The following PARD3 variants were observed in gnomAD, a reference collection of about 807,000 sequenced individuals.
PARD3 encodes the protein partitioning defective 3 homolog.
A neutral mutation model predicts 155.4 loss-of-function variants in PARD3; 75 were observed. The observed-to-expected ratio is 0.48, with a 90% CI of 0.40 to 0.58. PARD3 has a LOEUF of 0.58. Ranked by LOEUF, PARD3 falls within the 20% of genes least tolerant of loss-of-function variation. PARD3 has a pLI of 0.00. For synonymous variants in PARD3, 576 were observed against 610.5 expected, an observed-to-expected ratio of 0.94 and a Z score of 0.83; for missense variants, 1,642 against 1,721.7, an observed-to-expected ratio of 0.95 and a Z score of 0.82.
At chr10:34,813,115 T>A (rs1007767809) in intron 1 of PARD3, among the ~76,000 whole-genome samples, 1 of 152,246 alleles carries the variant, frequency 6.6e-6, no homozygotes, top group Non-Finnish European at 1.5e-5. Flanking sequence ...GTGGAACGAA[T>A]GCCTGGAACA....
intron 2 of PARD3, among the ~76,000 whole-genome samples, chr10:34,547,724 C>T (rs1347019660): frequency 6.6e-6 from 1 of 152,066 alleles, no homozygotes; most frequent in African/African-American, 2.4e-5. Context: ...AATTAAAATG[C>T]TATTGCTTAA....
chr10:34,465,274 T>C (rs1389953167), intron 4 of PARD3, among the ~76,000 whole-genome samples: 1 of 152,060 alleles, frequency 6.6e-6, no homozygotes, highest in Non-Finnish European at 1.5e-5. Context: ...CTATATACCC[T>C]TCATTACCGT....
chr10:34,756,465 T>C (rs1421892999), intron 1 of PARD3, among the ~76,000 whole-genome samples: 1 of 137,512 alleles, frequency 7.3e-6, no homozygotes, highest in African/African-American at 2.7e-5. Context: ...TGCACCTTTT[T>C]TTTTTTTCTT....
chr10:34,365,658 A>C (rs376732076), intron 12 of PARD3, among the ~76,000 whole-genome samples: 42 of 152,266 alleles, frequency 2.8e-4, no homozygotes, highest in Middle Eastern at 6.8e-3. Flanking sequence ...GTATGATCTC[A>C]ACTCACTGCA....
chr10:34,360,550 T>C (rs1839345198), intron 12 of PARD3, among the ~76,000 whole-genome samples: 1 of 152,232 alleles, frequency 6.6e-6, no homozygotes, highest in Admixed American at 6.5e-5. Flanking sequence ...AGTAGATTTC[T>C]AGAGTTCGGG....
intron 22 of PARD3, among the ~76,000 whole-genome samples, chr10:34,254,377 TCAAAAACAAAAA>T (rs142761750): frequency 2.3e-3 from 334 of 143,070 alleles, no homozygotes; most frequent in Non-Finnish European, 3.6e-3. Flanking sequence ...AGACTCTGTC[TCAAAAACAAAAA>T]CAAAAACAAA....
At chr10:34,733,946 CTGTTT>C (rs895652553) in intron 1 of PARD3, among the ~76,000 whole-genome samples, 8 of 132,998 alleles carry the variant, frequency 6.0e-5, no homozygotes, top group African/African-American at 1.9e-4. Context: ...AAAATCAAAG[CTGTTT>C]TTTTTTTTTT....
chr10:34,618,511 T>A (rs190194776), intron 2 of PARD3, among the ~76,000 whole-genome samples: 1 of 151,842 alleles, frequency 6.6e-6, no homozygotes, highest in Non-Finnish European at 1.5e-5. Flanking sequence ...GAAAGTGACA[T>A]CTCCAAAAAC....
At chr10:34,359,650 A>G (rs1485571999) in intron 13 of PARD3, among the ~76,000 whole-genome samples, 1 of 152,370 alleles carries the variant, frequency 6.6e-6, no homozygotes, top group East Asian at 1.9e-4. Context: ...CAAGACATGT[A>G]AAAGCTCAAG....
chr10:34,767,699 T>G (rs768606681), intron 1 of PARD3, among the ~76,000 whole-genome samples: 2 of 151,856 alleles, frequency 1.3e-5, no homozygotes, highest in Non-Finnish European at 2.9e-5. Flanking sequence ...CCTGGGTTCA[T>G]GCGATTCTCC....
At chr10:34,722,085 C>T (rs2094616684) in intron 1 of PARD3, among the ~76,000 whole-genome samples, 1 of 152,102 alleles carries the variant, frequency 6.6e-6, no homozygotes, top group South Asian at 2.1e-4. Flanking sequence ...CCAGCTACTC[C>T]AGAGGCTAAG....
chr10:34,246,825 T>C (rs1317303838), intron 22 of PARD3, among the ~76,000 whole-genome samples: 1 of 152,052 alleles, frequency 6.6e-6, no homozygotes, highest in African/African-American at 2.4e-5. Flanking sequence ...GGCCTTAGAA[T>C]GAAAGTTACT....
chr10:34,746,928 C>T (rs1045640028), intron 1 of PARD3, among the ~76,000 whole-genome samples: 1 of 152,150 alleles, frequency 6.6e-6, no homozygotes, highest in African/African-American at 2.4e-5. Context: ...CAGTGGACAC[C>T]CAGGCTGCCG....
chr10:34,128,554 G>C (rs191698242), intron 23 of PARD3, among the ~76,000 whole-genome samples: 100 of 152,290 alleles, frequency 6.6e-4, no homozygotes, highest in African/African-American at 2.3e-3. Flanking sequence ...CGGGAAGTCA[G>C]AAGTTGCATG....
intron 22 of PARD3, among the ~76,000 whole-genome samples, chr10:34,136,126 T>G (rs1355370535): frequency 6.6e-6 from 1 of 152,226 alleles, no homozygotes; most frequent in Non-Finnish European, 1.5e-5. Context: ...ATTTTATCTG[T>G]CGCTTCTCCA....
At chr10:34,651,010 T>TTAAAAAAA in intron 2 of PARD3, among the ~76,000 whole-genome samples, 1 of 31,790 alleles carries the variant, frequency 3.1e-5, no homozygotes, top group South Asian at 1.7e-3. Flanking sequence ...AAACTCTGTC[T>TTAAAAAAA]CAAAAAAAAA....
intron 2 of PARD3, among the ~76,000 whole-genome samples, chr10:34,678,160 A>G (rs2133307964): frequency 6.6e-6 from 1 of 152,132 alleles, no homozygotes; most frequent in East Asian, 1.9e-4. Context: ...TGCAGCCTCA[A>G]CCTCCCCAGG....
intron 2 of PARD3, among the ~76,000 whole-genome samples, chr10:34,551,136 T>C (rs1340856112): frequency 2.0e-5 from 3 of 152,170 alleles, no homozygotes; most frequent in East Asian, 1.9e-4. Context: ...ATAGGACACA[T>C]TGCTTGGCTA....
chr10:34,720,364 T>C (rs548470174), intron 1 of PARD3, among the ~76,000 whole-genome samples: 46 of 143,884 alleles, frequency 3.2e-4, no homozygotes, highest in Non-Finnish European at 5.1e-4. Context: ...GGCAGAAGAA[T>C]TGCTTGAAAC....
Sources: allele counts gnomAD v4.1 joint callset (sites outside exome capture counted in the v4.1 genomes callset), GRCh38; gene constraint gnomAD v4.1.1; transcripts MANE v1.5; gene names NCBI Gene and HGNC (gene_info 2026-07-23, HGNC 2026-07-21).